GABRG2: variants seen among roughly 807,000 people sequenced by gnomAD.
GABRG2 encodes gamma-aminobutyric acid type A receptor subunit gamma2.
GABRG2 carries 16 observed loss-of-function variants against 56.4 expected under a neutral mutation model. The ratio of observed to expected loss-of-function variants is 0.28; its 90% CI spans 0.19 to 0.43. The LOEUF is 0.43. Among genes scored for constraint, GABRG2 ranks in the 20% least tolerant of loss-of-function variants. The pLI, the probability that GABRG2 is intolerant of heterozygous loss-of-function variation, is 1.00. For synonymous variants in GABRG2, 208 were observed against 205.5 expected (o/e 1.01, Z -0.10); for missense variants, 327 against 582.7 (o/e 0.56, Z 4.52).
chr5:162,070,979 A>T (rs937698434), intron 1 of GABRG2, among the ~76,000 whole-genome samples: 1 of 149,334 alleles, frequency 6.7e-6, no homozygotes, highest in African/African-American at 2.5e-5. Flanking sequence ...ATACTTTATT[A>T]TTCAGTTGGG....
intron 6 of GABRG2, among the ~76,000 whole-genome samples, chr5:162,126,290 A>G (rs913371736): frequency 2.0e-5 from 3 of 151,950 alleles, no homozygotes; most frequent in Non-Finnish European, 4.4e-5. Context: ...CTTCACCCCT[A>G]CAGATGAGGA....
chr5:162,136,820 T>C (rs1764166754), intron 6 of GABRG2, among the ~76,000 whole-genome samples: 1 of 152,174 alleles, frequency 6.6e-6, no homozygotes, highest in Non-Finnish European at 1.5e-5. Flanking sequence ...TCAGAAAGTT[T>C]AATTGTGGTG....
intron 6 of GABRG2, among the ~76,000 whole-genome samples, chr5:162,117,034 G>A (rs1317095003): frequency 6.6e-6 from 1 of 152,152 alleles, no homozygotes; most frequent in Non-Finnish European, 1.5e-5. Context: ...GTCTGTCTGA[G>A]AATTATCCTC....
chr5:162,092,677 G>A (rs1220056066), intron 1 of GABRG2, among the ~76,000 whole-genome samples: 1 of 152,060 alleles, frequency 6.6e-6, no homozygotes, highest in Non-Finnish European at 1.5e-5. Context: ...TCTGGCTTGA[G>A]AATATATGAA....
intron 1 of GABRG2, among the ~76,000 whole-genome samples, chr5:162,079,512 A>G (rs1712972526): frequency 6.6e-6 from 1 of 151,992 alleles, no homozygotes; most frequent in Non-Finnish European, 1.5e-5. Context: ...ATTCCTACCC[A>G]CTATGTTGCT....
intron 6 of GABRG2, among the ~76,000 whole-genome samples, chr5:162,125,036 G>A (rs182827195): frequency 6.7e-6 from 1 of 150,130 alleles, no homozygotes; most frequent in Admixed American, 6.7e-5. Flanking sequence ...AGAATGAAAG[G>A]TTTCTCAGCT....
intron 8 of GABRG2, chr5:162,149,795 G>A: frequency 5.4e-6 from 2 of 371,256 alleles, no homozygotes; most frequent in South Asian, 4.1e-5. Flanking sequence ...TGTATTTTTA[G>A]TACAGACGGG....
intron 6 of GABRG2, 124 bp downstream of exon 6, chr5:162,104,150 T>TA (rs977638590): frequency 1.1e-6 from 1 of 882,646 alleles, no homozygotes; most frequent in African/African-American, 1.7e-5. Context: ...TGAAGTGTTT[T>TA]AACTTTCTAG....
In GABRG2 at chr5:162,119,367, A is replaced by T. The variant is rs111948219; in HGVS notation, c.769+15341A>T. 9.9e-3 allele frequency among the ~76,000 whole-genome samples: 1,509 copies of T among 152,270 alleles called. 23 individuals are homozygous for T. Among genetic ancestry groups the T allele is most frequent in the African/African-American group, 0.034 (1,393 of 41,554 alleles). ...ATTTCTGTTTACTTCAAGAGTTCAT[A>T]GTTACCCAATGTTGTAATAATTATT... On this transcript the variant is annotated intron_variant, in intron 6 of 9. Coordinates refer to ENST00000639213, the MANE Select transcript of GABRG2 (RefSeq NM_198904.4).
chr5:162,095,602 A>G lies in GABRG2; in HGVS notation c.327+40A>G, dbSNP rs1760942027. 2.9e-6 allele frequency: 4 copies of G among 1,396,406 alleles called. No individual in the cohort carries two copies. In the East Asian group the frequency reaches 6.9e-5, roughly 24 times the overall value. 86.5% of individuals were successfully genotyped at this position (1,396,406 alleles called of 1,614,324 possible). On this transcript the variant is annotated intron_variant, in intron 3 of 9. Transcript: ENST00000639213. ...AAAATTCTTTGTCTGTTTTATTAGC[A>G]TGTTTGAGAGAAAATGTGATGTCAT... is the stretch of plus-strand genomic sequence containing the variant.
chr5:162,071,011 C>CAAT (rs35867676), intron 1 of GABRG2, among the ~76,000 whole-genome samples: 92,847 of 151,068 alleles, frequency 0.61, 28,599 homozygotes, highest in Admixed American at 0.65. Flanking sequence ...AATTTAACTT[C>CAAT]AATCTTTTAT....
At chr5:162,101,595 A>G (rs1331489210) in intron 5 of GABRG2, 3 of 422,868 alleles carry the variant, frequency 7.1e-6, no homozygotes, top group East Asian at 1.1e-4. Flanking sequence ...TTTTTTTTGT[A>G]AGGGATTGTA....
At chr5:162,114,474 T>G (rs574523594) in intron 6 of GABRG2, among the ~76,000 whole-genome samples, 164 of 151,776 alleles carry the variant, frequency 1.1e-3, no homozygotes, top group African/African-American at 3.7e-3. Flanking sequence ...GAGGCAGAGG[T>G]TGTGGTGAGC....
chr5:162,132,045 G>C (rs1167353801), intron 6 of GABRG2, among the ~76,000 whole-genome samples: 1 of 151,622 alleles, frequency 6.6e-6, no homozygotes, highest in Non-Finnish European at 1.5e-5. Flanking sequence ...AACAAATATT[G>C]ATTAATTACA....
intron 6 of GABRG2, among the ~76,000 whole-genome samples, chr5:162,113,430 G>C (rs2113435963): frequency 6.6e-6 from 1 of 152,140 alleles, no homozygotes; most frequent in East Asian, 1.9e-4. Context: ...ATACTAAAAA[G>C]TTCTATTCTC....
chr5:162,073,012 A>G (rs1758799997), intron 1 of GABRG2, among the ~76,000 whole-genome samples: 1 of 151,920 alleles, frequency 6.6e-6, no homozygotes, highest in Non-Finnish European at 1.5e-5. Flanking sequence ...TAGAAGTGTA[A>G]CAGGTAGACT....
At chr5:162,102,739 C>T (rs1040028267) in intron 5 of GABRG2, 4 of 376,322 alleles carry the variant, frequency 1.1e-5, no homozygotes, top group Non-Finnish European at 2.1e-5. Context: ...CCATGTTGCC[C>T]AAGCTGGATA....
chr5:162,076,367 T>C (rs1759107866), intron 1 of GABRG2, among the ~76,000 whole-genome samples: 1 of 152,024 alleles, frequency 6.6e-6, no homozygotes, highest in African/African-American at 2.4e-5. Context: ...TTTGTGGGAG[T>C]GTAGAAGAGG....
chr5:162,123,045 A>G (rs933220754), intron 6 of GABRG2, among the ~76,000 whole-genome samples: 2 of 151,790 alleles, frequency 1.3e-5, no homozygotes, highest in African/African-American at 2.4e-5. Flanking sequence ...AAGTACCAAT[A>G]TGAAAACAGC....
Sources: allele counts gnomAD v4.1 joint callset (sites outside exome capture counted in the v4.1 genomes callset), GRCh38; gene constraint gnomAD v4.1.1; transcripts MANE v1.5; gene names NCBI Gene and HGNC (gene_info 2026-07-23, HGNC 2026-07-21).